Variants in IMPA1 observed in about 807,000 individuals in gnomAD.
IMPA1 encodes the protein D-galactose 1-phosphate phosphatase.
In IMPA1, 21 loss-of-function variants were observed where a neutral mutation model predicts 34.9. The observed-to-expected ratio is 0.60, with a 90% CI of 0.43 to 0.87. The LOEUF (loss-of-function observed/expected upper bound fraction) is 0.87. IMPA1 is among the 40% of genes least tolerant of loss of function. IMPA1 has a pLI of 0.00. For synonymous variants in IMPA1, 95 were observed against 104.4 expected, an observed-to-expected ratio of 0.91 and a Z score of 0.55; for missense variants, 299 against 336.4, an observed-to-expected ratio of 0.89 and a Z score of 0.87.
intron 7 of IMPA1, among the ~76,000 whole-genome samples, chr8:81,670,213 A>T (rs1420350808): frequency 6.6e-6 from 1 of 152,248 alleles, no homozygotes; most frequent in South Asian, 2.1e-4. Context: ...AGGAAATACA[A>T]GCAAATTACA....
rs1005522708 is a variant in IMPA1, at chr8:81,656,973, T to C, written c.*2378A>G. ...GTACATATATTTATGTATATTTATG[T>C]ATGTATCTGTGTATGTATCCACATG... On this transcript the variant is annotated 3_prime_UTR_variant, in exon 9 of 9. Coordinates refer to ENST00000256108, the MANE Select transcript of IMPA1 (RefSeq NM_005536.4). 2.0e-5 allele frequency among the ~76,000 whole-genome samples: 3 copies of C among 152,224 alleles called. No homozygotes were observed. The highest frequency in any genetic ancestry group is 6.5e-5 in the Admixed American group (1 of 15,288).
chr8:81,671,693 C>T (rs1178401077), intron 6 of IMPA1, among the ~76,000 whole-genome samples: 2 of 151,884 alleles, frequency 1.3e-5, no homozygotes, highest in African/African-American at 2.4e-5. Flanking sequence ...GTCAGGAGTT[C>T]GAGACCAGCC....
intron 6 of IMPA1, among the ~76,000 whole-genome samples, chr8:81,671,888 C>T (rs905757084): frequency 2.0e-5 from 3 of 152,116 alleles, no homozygotes; most frequent in African/African-American, 7.2e-5. Context: ...CAGAGCAAGA[C>T]TCTGTCTCGG....
chr8:81,678,881 T>C (rs1198975722), intron 4 of IMPA1, among the ~76,000 whole-genome samples: 1 of 152,138 alleles, frequency 6.6e-6, no homozygotes, highest in East Asian at 1.9e-4. Flanking sequence ...GGAAAAAGAA[T>C]GGTGAACGGG....
At chr8:81,673,769 G>T in intron 6 of IMPA1, 72 bp downstream of exon 6, 1 of 844,830 alleles carries the variant, frequency 1.2e-6, no homozygotes. Context: ...GAATTCCATA[G>T]GTGAATATTA....
intron 7 of IMPA1, among the ~76,000 whole-genome samples, chr8:81,670,709 T>C (rs1806960137): frequency 6.6e-6 from 1 of 152,108 alleles, no homozygotes; most frequent in Admixed American, 6.5e-5. Context: ...GGAAGGCAAA[T>C]GCTATAAAGG....
intron 8 of IMPA1, among the ~76,000 whole-genome samples, chr8:81,660,274 G>C (rs376351517): frequency 9.9e-5 from 15 of 152,098 alleles, no homozygotes; most frequent in South Asian, 4.1e-4. Context: ...CAGCCTTTCA[G>C]GAGTACCTGA....
chr8:81,683,482 G>C (rs78410762), intron 1 of IMPA1, among the ~76,000 whole-genome samples: 59 of 152,224 alleles, frequency 3.9e-4, no homozygotes, highest in Non-Finnish European at 6.6e-4. Flanking sequence ...AGAGTACCAG[G>C]GACAGGAAGA....
rs192663968 is a variant in IMPA1, at chr8:81,676,379, T to C, written c.303-100A>G. 934 of 560,876 alleles carry C rather than the reference T, an allele frequency of 1.7e-3. 1 individual carries two copies. The highest frequency in any genetic ancestry group is 2.4e-3 in the Non-Finnish European group (818 of 335,790). The allele number at this position is 560,876 out of a possible 1,614,324, so 34.7% of individuals were successfully genotyped here. A position where few individuals can be genotyped will look rare whatever the true frequency, so the allele number is the denominator to read the frequency against. On this transcript the variant is annotated intron_variant, in intron 4 of 8. Coordinates refer to ENST00000256108, the MANE Select transcript of IMPA1 (RefSeq NM_005536.4). ...ATATAAGTGTTCTTAAAATTTTTCC[T>C]ATAAAAAGTCTCATCTCCACTCCCC...
intron 7 of IMPA1, among the ~76,000 whole-genome samples, chr8:81,668,657 A>G (rs1806902790): frequency 6.6e-6 from 1 of 152,132 alleles, no homozygotes; most frequent in Non-Finnish European, 1.5e-5. Flanking sequence ...AATTTGGAAA[A>G]CTCAGCCTGG....
chr8:81,665,811 A>G (rs1283988778), intron 7 of IMPA1, among the ~76,000 whole-genome samples: 1 of 152,182 alleles, frequency 6.6e-6, no homozygotes, highest in Non-Finnish European at 1.5e-5. Flanking sequence ...GTGAAAGAAC[A>G]TTTTCAAGAA....
At chr8:81,672,780 T>C (rs1335146027) in intron 6 of IMPA1, among the ~76,000 whole-genome samples, 2 of 152,198 alleles carry the variant, frequency 1.3e-5, no homozygotes, top group Admixed American at 6.5e-5. Flanking sequence ...GCTTATAAAA[T>C]ATATATGTCT....
At chr8:81,671,978 A>G (rs146894524) in intron 6 of IMPA1, among the ~76,000 whole-genome samples, 4 of 152,338 alleles carry the variant, frequency 2.6e-5, no homozygotes, top group Middle Eastern at 6.8e-3. Context: ...AGTTGTTTCT[A>G]TCAAAGCTAC....
At position 81,670,952 on chromosome 8, in the gene IMPA1, T is replaced by G; in HGVS notation, c.553A>C (p.Ile185Leu). ...VLSNMEKLFC[I>L]PVHGIRSVGT... ...TAAAGAGCTTACCCATGAACAGGAA[T>G]GCAAAAAAGCTTTTCCATATTAGAA... The change falls in exon 7 of 9, where the codon ATT (isoleucine) becomes CTT (leucine). Residue 185 changes from isoleucine (I) to leucine (L), a missense_variant. Coordinates refer to ENST00000256108, the MANE Select transcript of IMPA1 (RefSeq NM_005536.4). 6.6e-7 allele frequency: 1 copy of G among 1,520,592 alleles called. No homozygotes were observed. The highest frequency in any genetic ancestry group is 1.3e-5 in the South Asian group (1 of 76,434). The allele number at this position is 1,520,592 out of a possible 1,614,324, so 94.2% of individuals were successfully genotyped here.
At chr8:81,664,280 C>G (rs1025942740) in intron 7 of IMPA1, among the ~76,000 whole-genome samples, 7 of 152,002 alleles carry the variant, frequency 4.6e-5, no homozygotes, top group Admixed American at 4.6e-4. Flanking sequence ...ATGAAATCAA[C>G]CAGGAGGACA....
intron 5 of IMPA1, chr8:81,674,552 G>A (rs1170573745): frequency 3.4e-6 from 1 of 290,950 alleles, no homozygotes; most frequent in Admixed American, 4.9e-5. Flanking sequence ...GAGTCTACTG[G>A]CTCAAGACTT....
At chr8:81,684,150 CACACAT>C (rs1422330907) in intron 1 of IMPA1, among the ~76,000 whole-genome samples, 8 of 128,948 alleles carry the variant, frequency 6.2e-5, no homozygotes, top group South Asian at 4.6e-4. Flanking sequence ...CACACACACA[CACACAT>C]ACACACACAT....
In IMPA1 at chr8:81,680,737, C is replaced by T. The variant is rs555250439; in HGVS notation, c.110G>A (p.Ser37Asn). The T allele has an allele frequency of 1.9e-5, 30 of 1,610,748 alleles. No individual in the cohort carries two copies. The African/African-American group carries it at 3.5e-4, about 19-fold the overall frequency. The change falls in exon 3 of 9, where the codon AGT (serine) becomes AAT (asparagine). Residue 37 changes from serine (S) to asparagine (N), a missense_variant. Coordinates refer to ENST00000256108, the MANE Select transcript of IMPA1 (RefSeq NM_005536.4). ...IKNEMNVMLK[S>N]SPVDLVTATD... ...AGCAGTTACCAAATCAACTGGAGAACTTTTCAGCATAACATTCATTTCATT... is the reference window on the plus strand; with the variant it reads ...AGCAGTTACCAAATCAACTGGAGAATTTTTCAGCATAACATTCATTTCATT...
chr8:81,680,515 A>G, intron 3 of IMPA1, 135 bp downstream of exon 3: 1 of 654,144 alleles, frequency 1.5e-6, no homozygotes, highest in East Asian at 2.8e-5. Context: ...AGTTGACTGC[A>G]GCCTTGACCA....
Sources: allele counts gnomAD v4.1 joint callset (sites outside exome capture counted in the v4.1 genomes callset), GRCh38; gene constraint gnomAD v4.1.1; transcripts MANE v1.5; gene names NCBI Gene and HGNC (gene_info 2026-07-23, HGNC 2026-07-21).